The following THSD7B variants were observed in gnomAD, a reference collection of about 807,000 sequenced individuals.
THSD7B encodes thrombospondin type-1 domain-containing protein 7B.
In THSD7B, 138 loss-of-function variants were observed where a neutral mutation model predicts 213.6. The observed-to-expected ratio is 0.65, with a 90% CI of 0.56 to 0.74. THSD7B has a LOEUF of 0.74. Among genes scored for constraint, THSD7B ranks in the 30% least tolerant of loss-of-function variants. The pLI is 0.00. For synonymous variants in THSD7B, 742 were observed against 687.0 expected (o/e 1.08, Z -1.25); for missense variants, 1,931 against 1,991.5 (o/e 0.97, Z 0.58).
chr2:137,304,050 TGTG>T lies in THSD7B; in HGVS notation c.2500+28028_2500+28030del, dbSNP rs1460651368. On this transcript the variant is annotated intron_variant, in intron 12 of 27. Coordinates refer to ENST00000409968, the MANE Select transcript of THSD7B (RefSeq NM_001316349.2). ...CAACTCCCACTTATGAAGGAGAACATGTGGTGTTTGGTTTTCTGTTCCTGTGTT... is the reference window on the plus strand; with the variant it reads ...CAACTCCCACTTATGAAGGAGAACATGTGTTTGGTTTTCTGTTCCTGTGTT... Among the ~76,000 whole-genome samples, 107 of 151,686 alleles carry T rather than the reference TGTG, an allele frequency of 7.1e-4. 1 individual carries two copies. Among genetic ancestry groups the T allele is most frequent in the Admixed American group, 7.0e-3 (107 of 15,206 alleles).
In THSD7B at chr2:136,898,375, T is replaced by C. The variant is rs534238664; in HGVS notation, c.139+16058T>C. Among the ~76,000 whole-genome samples the C allele has an allele frequency of 2.6e-5, 4 of 152,300 alleles. No individual in the cohort carries two copies. The East Asian group carries it at 7.7e-4, about 29-fold the overall frequency. On this transcript the variant is annotated intron_variant, in intron 2 of 27. Transcript: ENST00000409968. ...AGAAATGCAATAGATTGTTTAAAAA[T>C]ATAGACTGAGTGCAGTGAACTCCTG... is the stretch of plus-strand genomic sequence containing the variant.
At chr2:137,235,586 TCA>T (rs1428025649) in intron 9 of THSD7B, among the ~76,000 whole-genome samples, 3 of 152,180 alleles carry the variant, frequency 2.0e-5, no homozygotes, top group Non-Finnish European at 4.4e-5. Context: ...TTACTTTGAA[TCA>T]CAGTTTCATG....
chr2:137,393,736 A>G (rs1686102914), intron 12 of THSD7B, among the ~76,000 whole-genome samples: 1 of 140,880 alleles, frequency 7.1e-6, no homozygotes, highest in Admixed American at 7.0e-5. Flanking sequence ...GAATCACCAC[A>G]CTGACGTCCA....
chr2:137,371,796 G>A (rs1390754358), intron 12 of THSD7B, among the ~76,000 whole-genome samples: 2 of 151,912 alleles, frequency 1.3e-5, no homozygotes, highest in African/African-American at 4.8e-5. Context: ...ATTTCTGAAA[G>A]ATCTTTACTT....
At chr2:136,987,308 T>A (rs935685527) in intron 2 of THSD7B, among the ~76,000 whole-genome samples, 2 of 152,212 alleles carry the variant, frequency 1.3e-5, no homozygotes, top group Admixed American at 1.3e-4. Flanking sequence ...GTATGCCACA[T>A]CTGTAGCAAT....
At chr2:137,553,728 C>T (rs1268152974) in intron 15 of THSD7B, among the ~76,000 whole-genome samples, 1 of 152,076 alleles carries the variant, frequency 6.6e-6, no homozygotes, top group Non-Finnish European at 1.5e-5. Flanking sequence ...TTTAACTTTC[C>T]CATGGCTCAT....
intron 12 of THSD7B, among the ~76,000 whole-genome samples, chr2:137,308,695 G>T (rs74900237): frequency 6.6e-6 from 1 of 151,520 alleles, no homozygotes; most frequent in African/African-American, 2.4e-5. Context: ...CATAGAATTC[G>T]TTGAGAAAAA....
At chr2:136,986,517 A>G (rs1685675481) in intron 2 of THSD7B, among the ~76,000 whole-genome samples, 1 of 152,200 alleles carries the variant, frequency 6.6e-6, no homozygotes, top group African/African-American at 2.4e-5. Context: ...CAGCCTGCAG[A>G]ACCAAGAACC....
intron 15 of THSD7B, among the ~76,000 whole-genome samples, chr2:137,537,792 TA>T (rs1308758547): frequency 6.6e-6 from 1 of 151,674 alleles, no homozygotes; most frequent in Non-Finnish European, 1.5e-5. Flanking sequence ...TTCATCTTTC[TA>T]AAAATATTTT....
At chr2:137,060,232 T>G (rs1267246158) in intron 3 of THSD7B, among the ~76,000 whole-genome samples, 1 of 152,164 alleles carries the variant, frequency 6.6e-6, no homozygotes, top group African/African-American at 2.4e-5. Context: ...TTGTTGAATT[T>G]TAAGAGTTAT....
intron 15 of THSD7B, among the ~76,000 whole-genome samples, chr2:137,503,513 T>C (rs541791753): frequency 2.6e-5 from 4 of 152,306 alleles, no homozygotes; most frequent in East Asian, 3.9e-4. Flanking sequence ...GTAGCTATTA[T>C]GTAATGTTAT....
chr2:136,907,267 G>A (rs1407400465), intron 2 of THSD7B, among the ~76,000 whole-genome samples: 2 of 151,886 alleles, frequency 1.3e-5, no homozygotes, highest in African/African-American at 4.8e-5. Flanking sequence ...TTTTATACAA[G>A]TTTTCTCAAT....
intron 1 of THSD7B, among the ~76,000 whole-genome samples, chr2:136,879,156 C>A (rs1683574142): frequency 6.6e-6 from 1 of 152,130 alleles, no homozygotes; most frequent in Non-Finnish European, 1.5e-5. Flanking sequence ...TTTCCCAGCA[C>A]CATTTATTAA....
intron 2 of THSD7B, among the ~76,000 whole-genome samples, chr2:136,906,151 T>G (rs1684156143): frequency 2.0e-5 from 3 of 152,208 alleles, no homozygotes; most frequent in Admixed American, 2.0e-4. Flanking sequence ...TATTTTTTAT[T>G]CACTCTTTCA....
intron 1 of THSD7B, among the ~76,000 whole-genome samples, chr2:136,854,472 C>T (rs2104966392): frequency 6.6e-6 from 1 of 152,036 alleles, no homozygotes; most frequent in South Asian, 2.1e-4. Context: ...AACCACCCCG[C>T]ACTCCTTCCC....
intron 13 of THSD7B, among the ~76,000 whole-genome samples, chr2:137,406,815 C>T (rs1356091260): frequency 1.3e-5 from 2 of 152,188 alleles, no homozygotes; most frequent in Admixed American, 1.3e-4. Context: ...ACTTCATGCC[C>T]TATCTTCCAC....
At chr2:136,939,762 T>C (rs755424493) in intron 2 of THSD7B, among the ~76,000 whole-genome samples, 27 of 152,186 alleles carry the variant, frequency 1.8e-4, no homozygotes, top group African/African-American at 5.8e-4. Flanking sequence ...AGGCACAAAT[T>C]ATACCCTTAA....
At chr2:137,027,398 GA>G (rs777002933) in intron 2 of THSD7B, among the ~76,000 whole-genome samples, 17 of 152,120 alleles carry the variant, frequency 1.1e-4, no homozygotes, top group Non-Finnish European at 1.9e-4. Context: ...CCAGCTCAAA[GA>G]AGGAGAAAAA....
chr2:136,980,849 C>T (rs1685564618), intron 2 of THSD7B, among the ~76,000 whole-genome samples: 1 of 152,206 alleles, frequency 6.6e-6, no homozygotes, highest in Non-Finnish European at 1.5e-5. Context: ...CTCACCGCCT[C>T]TCTTGGCTGG....
Sources: gnomAD v4.1 joint callset for allele counts (sites outside exome capture counted in the v4.1 genomes callset) on GRCh38, gnomAD v4.1.1 for gene constraint, MANE v1.5 for transcripts, NCBI Gene and HGNC (gene_info 2026-07-23, HGNC 2026-07-21) for gene names.